Variants in MAP1LC3B2 observed in about 807,000 individuals in gnomAD.
The protein encoded by MAP1LC3B2 is microtubule associated protein 1 light chain 3 beta 2.
For missense variants in MAP1LC3B2, 155 were observed against 154.6 expected (o/e 1.00, Z -0.01); for synonymous variants, 62 against 57.8 (o/e 1.07, Z -0.33).
chr12:116,568,776 A>G (rs1002734043), intron 1 of MAP1LC3B2, among the ~76,000 whole-genome samples: 3 of 152,126 alleles, frequency 2.0e-5, no homozygotes, highest in Non-Finnish European at 4.4e-5. Flanking sequence ...CCACCATGTT[A>G]TGATGCAGCA....
chr12:116,575,685 A>G (rs192436288), intron 1 of MAP1LC3B2, among the ~76,000 whole-genome samples, 157 bp from the exon 2 acceptor site: 1 of 152,324 alleles, frequency 6.6e-6, no homozygotes, highest in Non-Finnish European at 1.5e-5. Flanking sequence ...ATACATGCCA[A>G]AGGCTTGAAT....
At chr12:116,570,585 C>G (rs926299465) in intron 1 of MAP1LC3B2, among the ~76,000 whole-genome samples, 3 of 152,158 alleles carry the variant, frequency 2.0e-5, no homozygotes, top group African/African-American at 7.2e-5. Context: ...GTAAGTCTCA[C>G]GAGATCTGAT....
In MAP1LC3B2 at chr12:116,564,943, A is replaced by C. The variant is rs79675344; in HGVS notation, c.-102+5510A>C. On this transcript the variant is annotated intron_variant, in intron 1 of 1. Coordinates refer to ENST00000556529, the MANE Select transcript of MAP1LC3B2 (RefSeq NM_001085481.3). ...CTTTCAGGCCTCATAGTTCTACACT[A>C]CCTGTGGCCCAATCTCTGAAAAACA... is the stretch of plus-strand genomic sequence containing the variant. Among the ~76,000 whole-genome samples, 412 of 152,228 alleles carry C rather than the reference A, an allele frequency of 2.7e-3. 2 individuals are homozygous for C. Among genetic ancestry groups the C allele is most frequent in the African/African-American group, 9.4e-3 (389 of 41,540 alleles).
At chr12:116,560,746 A>G (rs541269953) in intron 1 of MAP1LC3B2, among the ~76,000 whole-genome samples, 3 of 152,160 alleles carry the variant, frequency 2.0e-5, no homozygotes, top group South Asian at 2.1e-4. Flanking sequence ...CTCAAATCCA[A>G]TGACAGGTAT....
In MAP1LC3B2 at chr12:116,568,297, G is replaced by A. The variant is rs562292485; in HGVS notation, c.-101-7545G>A. Among the ~76,000 whole-genome samples, 6 of 152,344 alleles carry A rather than the reference G, an allele frequency of 3.9e-5. No homozygotes were observed. In the South Asian group the frequency reaches 8.3e-4, roughly 21 times the overall value. On this transcript the variant is annotated intron_variant, in intron 1 of 1. Coordinates refer to ENST00000556529, the MANE Select transcript of MAP1LC3B2 (RefSeq NM_001085481.3). The stretch of plus-strand genomic sequence containing the variant: ...ATTTGGCATATCTTTTCAAGTGAGC[G>A]AATGCCCTGAACCTCACATGTGGCC...
chr12:116,569,579 T>G (rs972680094), intron 1 of MAP1LC3B2, among the ~76,000 whole-genome samples: 1 of 152,216 alleles, frequency 6.6e-6, no homozygotes. Context: ...TATGTAACTA[T>G]GTATTTAATA....
chr12:116,560,073 A>AAAAAAC (rs1356901749), intron 1 of MAP1LC3B2: 4 of 150,698 alleles, frequency 2.7e-5, no homozygotes, highest in African/African-American at 9.8e-5. Context: ...GTCAAGAAAA[A>AAAAAAC]AAAAACAAAA....
chr12:116,566,577 A>G (rs1174251825), intron 1 of MAP1LC3B2, among the ~76,000 whole-genome samples: 1 of 150,100 alleles, frequency 6.7e-6, no homozygotes, highest in African/African-American at 2.5e-5. Flanking sequence ...CAGAGATGAA[A>G]AATCTGAGAT....
At chr12:116,572,739 T>C (rs1431187426) in intron 1 of MAP1LC3B2, among the ~76,000 whole-genome samples, 1 of 152,202 alleles carries the variant, frequency 6.6e-6, no homozygotes, top group Non-Finnish European at 1.5e-5. Flanking sequence ...TAATATCCAC[T>C]TACTATTCTG....
chr12:116,560,228 A>ATATATGTATGTATGTATATG (rs1869232285), intron 1 of MAP1LC3B2: 1 of 111,490 alleles, frequency 9.0e-6, no homozygotes, highest in African/African-American at 3.6e-5. Context: ...ATATATATAT[A>ATATATGTATGTATGTATATG]TATATATATA....
At chr12:116,566,533 C>T (rs192903403) in intron 1 of MAP1LC3B2, among the ~76,000 whole-genome samples, 1 of 138,192 alleles carries the variant, frequency 7.2e-6, no homozygotes, top group African/African-American at 3.0e-5. Flanking sequence ...AAAATATCCA[C>T]AAATGTTGTT....
In MAP1LC3B2 at chr12:116,576,175, C is replaced by G. The variant is rs750387497; in HGVS notation, c.233C>G (p.Ala78Gly). The G allele has an allele frequency of 1.2e-6, 2 of 1,613,990 alleles. No homozygotes were observed. The highest frequency in any genetic ancestry group is 1.7e-6 in the Non-Finnish European group (2 of 1,180,002). Residue 78 changes from alanine (A) to glycine (G), a missense_variant, in exon 2 of 2, where the codon GCC becomes GGC. Coordinates refer to ENST00000556529, the MANE Select transcript of MAP1LC3B2 (RefSeq NM_001085481.3). ...RRRLQLNANQ[A>G]FFLLVNGHSM... ...CGCTTACAGCTCAATGCTAATCAGG[C>G]CTTCTTCCTGTTGGTGAACGGACAC...
At chr12:116,571,017 G>T (rs1327080625) in intron 1 of MAP1LC3B2, among the ~76,000 whole-genome samples, 1 of 152,150 alleles carries the variant, frequency 6.6e-6, no homozygotes, top group Non-Finnish European at 1.5e-5. Flanking sequence ...TGATTTCTCT[G>T]TAATGTGCCT....
At chr12:116,572,097 ACAT>A (rs1271333077) in intron 1 of MAP1LC3B2, among the ~76,000 whole-genome samples, 2 of 152,166 alleles carry the variant, frequency 1.3e-5, no homozygotes, top group Non-Finnish European at 1.5e-5. Flanking sequence ...CTCTCTATAG[ACAT>A]CAGACAAGAC....
intron 1 of MAP1LC3B2, among the ~76,000 whole-genome samples, chr12:116,566,635 A>AC (rs1869393262): frequency 6.7e-6 from 1 of 150,132 alleles, no homozygotes; most frequent in Non-Finnish European, 1.5e-5. Flanking sequence ...AAAAAAAAAA[A>AC]AAAACAAGAA....
intron 1 of MAP1LC3B2, among the ~76,000 whole-genome samples, chr12:116,568,827 T>C (rs1869453448): frequency 6.6e-6 from 1 of 151,900 alleles, no homozygotes; most frequent in African/African-American, 2.4e-5. Context: ...ATATTGGACT[T>C]CCCAGCCTCT....
chr12:116,560,216 A>ATG lies in MAP1LC3B2; in HGVS notation c.-102+784_-102+785insGT, dbSNP rs1566022567. The ATG allele has an allele frequency of 1.1e-3, 80 of 70,988 alleles. 4 individuals carry two copies. The highest frequency in any genetic ancestry group is 4.1e-3 in the African/African-American group (74 of 18,162). 4.4% of individuals were successfully genotyped at this position (70,988 alleles called of 1,614,324 possible). On this transcript the variant is annotated intron_variant, in intron 1 of 1. Transcript: ENST00000556529. The stretch of plus-strand genomic sequence containing the variant: ...TATATATATATATATATATATATAT[A>ATG]TATATATATATATATATATATATAT...
chr12:116,565,426 C>T (rs1188732163), intron 1 of MAP1LC3B2, among the ~76,000 whole-genome samples: 1 of 152,198 alleles, frequency 6.6e-6, no homozygotes, highest in African/African-American at 2.4e-5. Flanking sequence ...CATCAGATCT[C>T]ATTCACACAT....
intron 1 of MAP1LC3B2, among the ~76,000 whole-genome samples, chr12:116,573,575 G>A (rs1210887165): frequency 1.3e-5 from 2 of 152,022 alleles, no homozygotes; most frequent in Admixed American, 6.5e-5. Context: ...AGAGTGCAGT[G>A]GCGTGATCTC....
Sources: allele counts gnomAD v4.1 joint callset (sites outside exome capture counted in the v4.1 genomes callset), GRCh38; gene constraint gnomAD v4.1.1; transcripts MANE v1.5; gene names NCBI Gene and HGNC (gene_info 2026-07-23, HGNC 2026-07-21).